GLIS3: variants seen among roughly 807,000 people sequenced by gnomAD.
GLIS3 encodes the protein GLIS family zinc finger 3.
Under a neutral mutation model 78.6 loss-of-function variants are expected in GLIS3, and 53 were observed. That is an observed-to-expected ratio of 0.67 (90% CI 0.54 to 0.85). The LOEUF (loss-of-function observed/expected upper bound fraction) is 0.85. Among genes scored for constraint, GLIS3 ranks in the 40% least tolerant of loss-of-function variants. The pLI, the probability that GLIS3 is intolerant of heterozygous loss-of-function variation, is 0.00. For missense variants in GLIS3, 1,703 were observed against 1,231.1 expected, an observed-to-expected ratio of 1.38 and a Z score of -5.74; for synonymous variants, 684 against 509.9, an observed-to-expected ratio of 1.34 and a Z score of -4.60.
At chr9:3,938,661 C>T (rs1826029627) in intron 4 of GLIS3, among the ~76,000 whole-genome samples, 1 of 152,158 alleles carries the variant, frequency 6.6e-6, no homozygotes, top group Non-Finnish European at 1.5e-5. Flanking sequence ...GTTTCACAGA[C>T]ATATGTTGGT....
chr9:4,383,250 G>A, the GLIS3 span, among the ~76,000 whole-genome samples: 22 of 152,318 alleles, frequency 1.4e-4, no homozygotes, highest in African/African-American at 4.3e-4. Context: ...AACGCTTAAC[G>A]AATTTGCAAG....
chr9:4,354,494 G>A, the GLIS3 span, among the ~76,000 whole-genome samples: 294 of 152,176 alleles, frequency 1.9e-3, 2 homozygotes, highest in Middle Eastern at 6.8e-3. Context: ...ACTTTCTATA[G>A]ACTATATTCC....
chr9:4,028,908 T>C (rs1231623873), intron 4 of GLIS3, among the ~76,000 whole-genome samples: 1 of 152,146 alleles, frequency 6.6e-6, no homozygotes, highest in Non-Finnish European at 1.5e-5. Context: ...TCTTATTCCT[T>C]ATGCAAACAC....
At chr9:3,915,788 A>G (rs2130705646) in intron 6 of GLIS3, among the ~76,000 whole-genome samples, 1 of 152,328 alleles carries the variant, frequency 6.6e-6, no homozygotes. Context: ...GATCTCTGCA[A>G]AGAGTCATGT....
chr9:4,332,412 C>T (rs1249534485), intron 2 of GLIS3, among the ~76,000 whole-genome samples: 2 of 152,220 alleles, frequency 1.3e-5, no homozygotes, highest in Non-Finnish European at 2.9e-5. Flanking sequence ...AGACTAACAT[C>T]CCTGCCTTCC....
intron 4 of GLIS3, among the ~76,000 whole-genome samples, chr9:4,004,271 C>A (rs191996434): frequency 6.6e-6 from 1 of 152,038 alleles, no homozygotes; most frequent in Non-Finnish European, 1.5e-5. Flanking sequence ...GGGAGGTAAA[C>A]AAGAAAAAGA....
intron 2 of GLIS3, among the ~76,000 whole-genome samples, chr9:4,220,917 G>A (rs1338824930): frequency 2.0e-5 from 3 of 152,070 alleles, no homozygotes; most frequent in South Asian, 2.1e-4. Flanking sequence ...CCCAGGAGGT[G>A]GAGGTTGCAG....
intron 2 of GLIS3, among the ~76,000 whole-genome samples, chr9:4,235,019 C>T (rs1346933296): frequency 6.6e-6 from 1 of 152,102 alleles, no homozygotes; most frequent in Non-Finnish European, 1.5e-5. Flanking sequence ...GATGAGGGAG[C>T]CAGGCGCGGT....
chr9:4,054,199 T>C, intron 4 of GLIS3: 2 of 399,990 alleles, frequency 5.0e-6, no homozygotes, highest in Non-Finnish European at 6.8e-6. Context: ...GCAGGAAGCC[T>C]GTCCACACTC....
At chr9:4,289,925 T>C (rs143738161) in intron 1 of GLIS3, among the ~76,000 whole-genome samples, 3 of 152,218 alleles carry the variant, frequency 2.0e-5, no homozygotes, top group African/African-American at 2.4e-5. Context: ...CACAAAACCA[T>C]TTAGTAATTC....
At chr9:4,410,235 C>T in the GLIS3 span, among the ~76,000 whole-genome samples, 51 of 152,056 alleles carry the variant, frequency 3.4e-4, no homozygotes, top group African/African-American at 1.2e-3. Flanking sequence ...CCTTGGCTTC[C>T]CAAAGTGCTG....
the GLIS3 span, among the ~76,000 whole-genome samples, chr9:4,469,396 C>CCT: frequency 1.3e-5 from 2 of 152,136 alleles, no homozygotes; most frequent in Admixed American, 6.6e-5. Flanking sequence ...GTAAAGCACT[C>CCT]CTCAGCAAAT....
intron 4 of GLIS3, among the ~76,000 whole-genome samples, chr9:4,115,581 T>C (rs1831576680): frequency 6.6e-6 from 1 of 152,164 alleles, no homozygotes; most frequent in Non-Finnish European, 1.5e-5. Flanking sequence ...AGAGGACTGC[T>C]AAACTTTCAC....
At chr9:4,257,004 A>T (rs7041393) in intron 2 of GLIS3, among the ~76,000 whole-genome samples, 123,346 of 152,086 alleles carry the variant, frequency 0.81, 50,543 homozygotes, top group East Asian at 0.98. Context: ...ATATTAACAC[A>T]TATATAGTAC....
the GLIS3 span, among the ~76,000 whole-genome samples, chr9:4,473,134 A>T: frequency 6.6e-6 from 1 of 152,134 alleles, no homozygotes; most frequent in Non-Finnish European, 1.5e-5. Context: ...CACTATTCAC[A>T]ATAGCCAAGA....
intron 2 of GLIS3, among the ~76,000 whole-genome samples, chr9:4,244,145 G>C (rs999095989): frequency 6.6e-6 from 1 of 152,056 alleles, no homozygotes; most frequent in African/African-American, 2.4e-5. Flanking sequence ...CAGCTCATCC[G>C]TACTCTGTAC....
intron 6 of GLIS3, among the ~76,000 whole-genome samples, chr9:3,909,336 A>T (rs1823975031): frequency 6.6e-6 from 1 of 152,234 alleles, no homozygotes; most frequent in Admixed American, 6.5e-5. Context: ...CTTAGCACTG[A>T]CATGTAGGAA....
At chr9:4,149,961 A>G (rs1192887083) in intron 2 of GLIS3, among the ~76,000 whole-genome samples, 2 of 150,652 alleles carry the variant, frequency 1.3e-5, no homozygotes, top group Non-Finnish European at 1.5e-5. Context: ...TTATTCACGA[A>G]GAGTCTTGAA....
At chr9:3,973,353 G>C (rs1358952215) in intron 4 of GLIS3, among the ~76,000 whole-genome samples, 2 of 151,050 alleles carry the variant, frequency 1.3e-5, no homozygotes, top group African/African-American at 4.9e-5. Flanking sequence ...GACTGATATT[G>C]TGTGTCCCAA....
Sources: allele counts gnomAD v4.1 joint callset (sites outside exome capture counted in the v4.1 genomes callset), GRCh38; gene constraint gnomAD v4.1.1; transcripts MANE v1.5; gene names NCBI Gene and HGNC (gene_info 2026-07-23, HGNC 2026-07-21).